Variants in SRRM3 observed in about 807,000 individuals in gnomAD.
SRRM3 encodes the protein serine/arginine repetitive matrix 3.
A neutral mutation model predicts 66.2 loss-of-function variants in SRRM3; 27 were observed. The observed-to-expected ratio is 0.41, with a 90% CI of 0.30 to 0.56. SRRM3 has a LOEUF of 0.56. Ranked by LOEUF, SRRM3 falls within the 20% of genes least tolerant of loss-of-function variation. The pLI, the probability that SRRM3 is intolerant of heterozygous loss-of-function variation, is 0.32. For synonymous variants in SRRM3, 391 were observed against 414.9 expected, an observed-to-expected ratio of 0.94 and a Z score of 0.70; for missense variants, 918 against 991.9, an observed-to-expected ratio of 0.93 and a Z score of 1.00.
intron 11 of SRRM3, chr7:76,269,753 TTTC>T (rs1802162969): frequency 2.0e-5 from 2 of 98,802 alleles, no homozygotes; most frequent in Admixed American, 9.3e-5. Flanking sequence ...TTCCTTTTCC[TTTC>T]TTTTTTTTTT....
intron 10 of SRRM3, among the ~76,000 whole-genome samples, chr7:76,266,592 T>A (rs1554609747): frequency 8.0e-6 from 1 of 124,724 alleles, no homozygotes; most frequent in South Asian, 2.2e-4. Context: ...TTATATATTT[T>A]ATATATTTAT....
intron 11 of SRRM3, among the ~76,000 whole-genome samples, chr7:76,275,105 C>CA (rs199917871): frequency 0.21 from 17,923 of 85,214 alleles, 1,326 homozygotes; most frequent in Admixed American, 0.27. Context: ...GACTCAGTCT[C>CA]AAAAAAAAAA....
Position 76,260,282 on chromosome 7 carries a change from A to T in SRRM3, c.545+85A>T, listed in dbSNP as rs1284958453. 8 of 995,888 alleles carry T rather than the reference A, an allele frequency of 8.0e-6. No individual in the cohort carries two copies. The South Asian group carries it at 1.5e-4, about 19-fold the overall frequency. The allele number at this position is 995,888 out of a possible 1,614,324, so 61.7% of individuals were successfully genotyped here. A position where few individuals can be genotyped will look rare whatever the true frequency, so the allele number is the denominator to read the frequency against. On this transcript the variant is annotated intron_variant, in intron 5 of 14. Transcript: ENST00000611745. The stretch of plus-strand genomic sequence containing the variant: ...GCCCGTCCCTGGCTCACAACCATGC[A>T]GCATTTGTGAGCCCCGCCCCTCTCT...
intron 11 of SRRM3, among the ~76,000 whole-genome samples, chr7:76,281,063 C>G (rs892175356): frequency 1.3e-5 from 2 of 148,756 alleles, no homozygotes; most frequent in African/African-American, 5.0e-5. Flanking sequence ...CTCTTTCGCC[C>G]TCTCTCTTTC....
intron 1 of SRRM3, among the ~76,000 whole-genome samples, chr7:76,203,311 G>A (rs1554600807): frequency 6.6e-6 from 1 of 152,184 alleles, no homozygotes; most frequent in African/African-American, 2.4e-5. Context: ...GGGAGTCATG[G>A]ACTCTGATGT....
chr7:76,206,689 C>T (rs1464072589), intron 1 of SRRM3, among the ~76,000 whole-genome samples: 1 of 152,166 alleles, frequency 6.6e-6, no homozygotes, highest in Non-Finnish European at 1.5e-5. Flanking sequence ...AAGACAGGCC[C>T]CTGGGGCCAT....
At chr7:76,243,998 A>G (rs1382560846) in intron 2 of SRRM3, among the ~76,000 whole-genome samples, 1 of 152,164 alleles carries the variant, frequency 6.6e-6, no homozygotes, top group Non-Finnish European at 1.5e-5. Context: ...CCCGAGTCTG[A>G]GGGCCACACA....
intron 3 of SRRM3, among the ~76,000 whole-genome samples, chr7:76,256,089 T>C (rs1801705429): frequency 6.6e-6 from 1 of 152,142 alleles, no homozygotes; most frequent in Admixed American, 6.6e-5. Flanking sequence ...GTGAATCTGT[T>C]ACAGGAAAGG....
chr7:76,211,825 T>TTATTATTAA lies in SRRM3; in HGVS notation c.-40+9766_-40+9767insATATTATTA, dbSNP rs1381932428. On this transcript the variant is annotated intron_variant, in intron 1 of 14. Coordinates refer to ENST00000611745, the MANE Select transcript of SRRM3 (RefSeq NM_001110199.3). ...ATTATTACTATTACTACTATTATTA[T>TTATTATTAA]TATTATTATTATTATTATTATTATT... Among the ~76,000 whole-genome samples, 11 of 132,448 alleles carry TTATTATTAA rather than the reference T, an allele frequency of 8.3e-5. No homozygotes were observed. The East Asian group carries it at 1.2e-3, about 15-fold the overall frequency. 86.9% of individuals were successfully genotyped at this position (132,448 alleles called of 152,430 possible). A position where few individuals can be genotyped will look rare whatever the true frequency, so the allele number is the denominator to read the frequency against.
rs531154793 is a variant in SRRM3, at chr7:76,235,307, G to A, written c.233+8G>A. The A allele has an allele frequency of 8.3e-5, 125 of 1,497,500 alleles. 1 individual carries two copies. The East Asian group carries it at 2.9e-3, about 35-fold the overall frequency. 92.8% of individuals were successfully genotyped at this position (1,497,500 alleles called of 1,614,324 possible). A position where few individuals can be genotyped will look rare whatever the true frequency, so the allele number is the denominator to read the frequency against. ...GATGATGGAGGAGCAGGGGTGAGCA[G>A]GCCGCGGGGCGGGACTGGGGTGGGG... is the stretch of plus-strand genomic sequence containing the variant. On this transcript the variant is annotated splice_region_variant and intron_variant, in intron 2 of 14. Transcript: ENST00000611745.
chr7:76,223,241 G>C (rs1295142093), intron 1 of SRRM3, among the ~76,000 whole-genome samples: 2 of 152,178 alleles, frequency 1.3e-5, no homozygotes, highest in Non-Finnish European at 2.9e-5. Flanking sequence ...GAAGTTGATG[G>C]GGTGTCTCTT....
intron 3 of SRRM3, among the ~76,000 whole-genome samples, chr7:76,253,194 A>T (rs1468081970): frequency 2.7e-5 from 4 of 149,632 alleles, no homozygotes; most frequent in African/African-American, 9.9e-5. Flanking sequence ...ACATTAAAGA[A>T]CACTGTTCTT....
At chr7:76,251,142 G>A (rs1156373932) in intron 3 of SRRM3, among the ~76,000 whole-genome samples, 5 of 152,144 alleles carry the variant, frequency 3.3e-5, no homozygotes, top group Admixed American at 6.5e-5. Context: ...TGCCCATGGC[G>A]GTCAGCCCGA....
chr7:76,247,433 T>C (rs1379742367), intron 2 of SRRM3, among the ~76,000 whole-genome samples: 1 of 151,936 alleles, frequency 6.6e-6, no homozygotes, highest in Non-Finnish European at 1.5e-5. Context: ...GGATGGGATG[T>C]CATGGAGGCC....
intron 5 of SRRM3, 129 bp from the exon 6 acceptor site, chr7:76,260,745 G>C: frequency 1.2e-6 from 1 of 851,302 alleles, no homozygotes; most frequent in Middle Eastern, 2.2e-4. Context: ...GGGGAGGAGG[G>C]GCCTCATCTG....
chr7:76,207,170 C>T (rs1800321333), intron 1 of SRRM3, among the ~76,000 whole-genome samples: 1 of 152,178 alleles, frequency 6.6e-6, no homozygotes, highest in South Asian at 2.1e-4. Context: ...TGTGTGGTGG[C>T]ACGTGCCTGT....
At chr7:76,225,895 C>T (rs1424461679) in intron 1 of SRRM3, among the ~76,000 whole-genome samples, 3 of 152,156 alleles carry the variant, frequency 2.0e-5, no homozygotes, top group Middle Eastern at 3.2e-3. Context: ...GTTGAAGTCA[C>T]GTGCCCTAGG....
intron 1 of SRRM3, among the ~76,000 whole-genome samples, chr7:76,218,209 G>A (rs1262820212): frequency 6.6e-6 from 1 of 152,174 alleles, no homozygotes; most frequent in Non-Finnish European, 1.5e-5. Flanking sequence ...TCACTGCAGG[G>A]TCAGTCCTCA....
chr7:76,228,909 T>C (rs1198461065), intron 1 of SRRM3, among the ~76,000 whole-genome samples: 1 of 151,208 alleles, frequency 6.6e-6, no homozygotes, highest in African/African-American at 2.4e-5. Flanking sequence ...GACTTTTTTT[T>C]TTTTTTTGAG....
Sources: allele counts gnomAD v4.1 joint callset (sites outside exome capture counted in the v4.1 genomes callset), GRCh38; gene constraint gnomAD v4.1.1; transcripts MANE v1.5; gene names NCBI Gene and HGNC (gene_info 2026-07-23, HGNC 2026-07-21).